Variants in NAA11 observed in about 807,000 individuals in gnomAD.
The protein encoded by NAA11 is N-alpha-acetyltransferase 11, NatA catalytic subunit, also known as N-alpha-acetyltransferase 11.
Under a neutral mutation model 16.1 loss-of-function variants are expected in NAA11, and 15 were observed. That is an observed-to-expected ratio of 0.93 (90% CI 0.62 to 1.44). The LOEUF is 1.44. Ranked by LOEUF, NAA11 falls within the 40% of genes most tolerant of loss-of-function variation. The probability of loss-of-function intolerance (pLI) is 0.00; values close to 1 mark genes in which losing one functional copy is unlikely to be tolerated. For missense variants in NAA11, 298 were observed against 291.3 expected, an observed-to-expected ratio of 1.02 and a Z score of -0.17; for synonymous variants, 122 against 112.4, an observed-to-expected ratio of 1.09 and a Z score of -0.54.
intron 2 of NAA11, among the ~76,000 whole-genome samples, chr4:79,260,938 A>G (rs1722233857): frequency 6.6e-6 from 1 of 152,230 alleles, no homozygotes; most frequent in Non-Finnish European, 1.5e-5. Flanking sequence ...TATTACATCT[A>G]TGGTGTTATA....
At chr4:79,324,186 G>C (rs1389367190) in intron 1 of NAA11, among the ~76,000 whole-genome samples, 5 of 151,638 alleles carry the variant, frequency 3.3e-5, no homozygotes, top group African/African-American at 1.2e-4. Flanking sequence ...TTTTTTGCTG[G>C]ATTATTTTAA....
intron 2 of NAA11, among the ~76,000 whole-genome samples, chr4:79,290,365 A>G (rs1186138291): frequency 1.3e-5 from 2 of 152,170 alleles, no homozygotes; most frequent in Admixed American, 1.3e-4. Context: ...AAGTAACATC[A>G]TTAGGGCCAG....
At chr4:79,184,491 ACTT>A in the NAA11 span, among the ~76,000 whole-genome samples, 1 of 152,192 alleles carries the variant, frequency 6.6e-6, no homozygotes, top group East Asian at 1.9e-4. Context: ...TAATATAAGA[ACTT>A]CTGATTCGGT....
chr4:79,237,724 GA>G (rs1465369230), intron 2 of NAA11, among the ~76,000 whole-genome samples: 1 of 152,086 alleles, frequency 6.6e-6, no homozygotes, highest in Admixed American at 6.6e-5. Context: ...AAACATTGAC[GA>G]AAAGCTGTTC....
At chr4:79,283,494 T>C (rs547181886) in intron 2 of NAA11, among the ~76,000 whole-genome samples, 18 of 152,162 alleles carry the variant, frequency 1.2e-4, no homozygotes, top group African/African-American at 3.9e-4. Flanking sequence ...TGCAGGTAGA[T>C]TGGTATATTT....
chr4:79,181,527 T>A, the NAA11 span, among the ~76,000 whole-genome samples: 1 of 152,148 alleles, frequency 6.6e-6, no homozygotes, highest in Non-Finnish European at 1.5e-5. Flanking sequence ...TGGCCATGAT[T>A]GACTACAGTG....
chr4:79,296,448 C>G (rs1004752965), intron 1 of NAA11, among the ~76,000 whole-genome samples: 6 of 152,326 alleles, frequency 3.9e-5, no homozygotes, highest in African/African-American at 1.4e-4. Context: ...ACTTATAGAA[C>G]ATTTATAAAA....
chr4:79,261,421 CAACTATATAAAGAA>C (rs1245710264), intron 2 of NAA11, among the ~76,000 whole-genome samples: 1 of 152,138 alleles, frequency 6.6e-6, no homozygotes, highest in Non-Finnish European at 1.5e-5. Context: ...CTCTCCAAGT[CAACTATATAAAGAA>C]TAGGGTCTAA....
At chr4:79,212,016 A>G in the NAA11 span, among the ~76,000 whole-genome samples, 1 of 152,330 alleles carries the variant, frequency 6.6e-6, no homozygotes, top group South Asian at 2.1e-4. Flanking sequence ...GGAATTTTCT[A>G]GAACAAAAAT....
At chr4:79,166,548 G>A in the NAA11 span, among the ~76,000 whole-genome samples, 1 of 145,620 alleles carries the variant, frequency 6.9e-6, no homozygotes. Context: ...GGCTGGTCTT[G>A]AACTCCTGGC....
intron 2 of NAA11, among the ~76,000 whole-genome samples, chr4:79,286,904 A>G (rs2109989819): frequency 6.6e-6 from 1 of 152,200 alleles, no homozygotes; most frequent in East Asian, 1.9e-4. Flanking sequence ...ATCACCCCCA[A>G]AACATTTTGG....
the NAA11 span, among the ~76,000 whole-genome samples, chr4:79,167,270 TAGAGAG>T: frequency 0.012 from 1,178 of 98,476 alleles, 30 homozygotes; most frequent in African/African-American, 0.044. Flanking sequence ...TATATATATA[TAGAGAG>T]AGAGAGAGAG....
chr4:79,256,917 A>T (rs1359711652), intron 2 of NAA11, among the ~76,000 whole-genome samples: 1 of 151,854 alleles, frequency 6.6e-6, no homozygotes, highest in Non-Finnish European at 1.5e-5. Flanking sequence ...GGGATTACAG[A>T]CATGAGCCAC....
intron 2 of NAA11, among the ~76,000 whole-genome samples, chr4:79,248,993 C>G (rs933962926): frequency 3.3e-5 from 5 of 151,806 alleles, no homozygotes; most frequent in South Asian, 2.1e-4. Context: ...GCACTTGAGC[C>G]CCCCCCCAGT....
intron 2 of NAA11, among the ~76,000 whole-genome samples, chr4:79,274,860 T>C (rs539164557): frequency 3.3e-4 from 50 of 152,138 alleles, no homozygotes; most frequent in African/African-American, 1.1e-3. Context: ...GTAATATTCA[T>C]AAAAGTATCT....
At chr4:79,276,605 C>T (rs1578174904) in intron 2 of NAA11, among the ~76,000 whole-genome samples, 1 of 152,114 alleles carries the variant, frequency 6.6e-6, no homozygotes. Flanking sequence ...TGTTCATCCC[C>T]AAGTGGATGT....
chr4:79,240,736 T>C (rs1268672854), intron 2 of NAA11, among the ~76,000 whole-genome samples: 1 of 152,104 alleles, frequency 6.6e-6, no homozygotes, highest in Non-Finnish European at 1.5e-5. Flanking sequence ...GTTGGAATGA[T>C]CAATTCCAAT....
chr4:79,272,760 T>C (rs1722526677), intron 2 of NAA11, among the ~76,000 whole-genome samples: 2 of 151,970 alleles, frequency 1.3e-5, no homozygotes, highest in Non-Finnish European at 2.9e-5. Flanking sequence ...ACATTGAACA[T>C]TTTTTCCGAT....
chr4:79,324,457 T>C (rs1724197020), intron 1 of NAA11, among the ~76,000 whole-genome samples: 1 of 152,206 alleles, frequency 6.6e-6, no homozygotes, highest in South Asian at 2.1e-4. Flanking sequence ...AAATGCTTCA[T>C]CTTTTTTTGT....
Sources: gnomAD v4.1 joint callset for allele counts (sites outside exome capture counted in the v4.1 genomes callset) on GRCh38, gnomAD v4.1.1 for gene constraint, MANE v1.5 for transcripts, NCBI Gene and HGNC (gene_info 2026-07-23, HGNC 2026-07-21) for gene names.